The following ALCAM variants were observed in gnomAD, a reference collection of about 807,000 sequenced individuals.
The protein encoded by ALCAM is CD166 antigen.
A neutral mutation model predicts 70.9 loss-of-function variants in ALCAM; 30 were observed. That is an observed-to-expected ratio of 0.42 (90% CI 0.32 to 0.57). ALCAM has a LOEUF of 0.57. Among genes scored for constraint, ALCAM ranks in the 20% least tolerant of loss-of-function variants. The pLI, the probability that ALCAM is intolerant of heterozygous loss-of-function variation, is 0.11. For synonymous variants in ALCAM, 249 were observed against 242.5 expected, an observed-to-expected ratio of 1.03 and a Z score of -0.25; for missense variants, 591 against 695.1, an observed-to-expected ratio of 0.85 and a Z score of 1.68.
intron 1 of ALCAM, among the ~76,000 whole-genome samples, chr3:105,447,478 G>A (rs890051676): frequency 1.3e-5 from 2 of 152,198 alleles, no homozygotes; most frequent in African/African-American, 4.8e-5. Context: ...GCAAGTGGAT[G>A]GCTTGAGCCC....
At chr3:105,392,552 AG>A in intron 1 of ALCAM, among the ~76,000 whole-genome samples, 1 of 151,172 alleles carries the variant, frequency 6.6e-6, no homozygotes, top group Non-Finnish European at 1.5e-5. Context: ...ATTTTTTTGA[AG>A]GGTTTTTTTA....
At chr3:105,527,817 C>A (rs1332166656) in intron 3 of ALCAM, among the ~76,000 whole-genome samples, 1 of 151,976 alleles carries the variant, frequency 6.6e-6, no homozygotes, top group Non-Finnish European at 1.5e-5. Flanking sequence ...GGATTCCTCC[C>A]ACTTGGATAC....
chr3:105,547,562 C>A, intron 11 of ALCAM, 39 bp downstream of exon 11: 1 of 1,591,218 alleles, frequency 6.3e-7, no homozygotes, highest in Non-Finnish European at 8.5e-7. Flanking sequence ...GCACTTCGTC[C>A]AATGCGTTTT....
At chr3:105,428,717 A>T (rs1487204897) in intron 1 of ALCAM, among the ~76,000 whole-genome samples, 1 of 151,980 alleles carries the variant, frequency 6.6e-6, no homozygotes, top group Non-Finnish European at 1.5e-5. Context: ...TGTTGTGTGA[A>T]CCATTATCCA....
chr3:105,403,807 G>A (rs1329453048), intron 1 of ALCAM, among the ~76,000 whole-genome samples: 1 of 151,680 alleles, frequency 6.6e-6, no homozygotes, highest in Non-Finnish European at 1.5e-5. Flanking sequence ...CCAGAGAAAA[G>A]TGAAGTCCAA....
At chr3:105,475,492 T>C (rs1353512334) in intron 1 of ALCAM, among the ~76,000 whole-genome samples, 1 of 151,998 alleles carries the variant, frequency 6.6e-6, no homozygotes, top group Admixed American at 6.6e-5. Context: ...ATCACTTCCC[T>C]TTAAAATGGT....
chr3:105,526,702 G>T (rs1189449706), intron 3 of ALCAM, among the ~76,000 whole-genome samples: 1 of 152,068 alleles, frequency 6.6e-6, no homozygotes, highest in Non-Finnish European at 1.5e-5. Context: ...TAGGGGCTTT[G>T]GTTTGTTTTT....
At chr3:105,477,248 CTCT>C (rs1194684853) in intron 1 of ALCAM, among the ~76,000 whole-genome samples, 4 of 151,964 alleles carry the variant, frequency 2.6e-5, no homozygotes, top group African/African-American at 9.7e-5. Context: ...TTTTCTAATG[CTCT>C]TCATTTTTTT....
chr3:105,461,278 AT>A (rs753973912), intron 1 of ALCAM, among the ~76,000 whole-genome samples: 17 of 151,802 alleles, frequency 1.1e-4, no homozygotes, highest in Non-Finnish European at 2.5e-4. Flanking sequence ...GGAAAACTAT[AT>A]TTTTGTTCGT....
chr3:105,410,142 A>G (rs1283867275), intron 1 of ALCAM, among the ~76,000 whole-genome samples: 6 of 152,048 alleles, frequency 3.9e-5, no homozygotes, highest in African/African-American at 1.4e-4. Context: ...GTATCTTTAC[A>G]GTGCTGGTTT....
chr3:105,522,310 G>C (rs1433972868), intron 2 of ALCAM, among the ~76,000 whole-genome samples: 1 of 151,970 alleles, frequency 6.6e-6, no homozygotes, highest in Non-Finnish European at 1.5e-5. Context: ...AAACAATAAT[G>C]GCAATTTTCA....
At position 105,547,037 on chromosome 3, in the gene ALCAM, T is replaced by C. The variant is rs1940266430; in HGVS notation, c.1105-112T>C. ...AGCATCTGAAGTTAAGAAAAAGAAGTTTGCATTTATATTATTCCCAGAAGA... is the reference window on the plus strand; with the variant it reads ...AGCATCTGAAGTTAAGAAAAAGAAGCTTGCATTTATATTATTCCCAGAAGA... On this transcript the variant is annotated intron_variant, in intron 9 of 15. Transcript: ENST00000306107. 3 of 901,900 alleles carry C rather than the reference T, an allele frequency of 3.3e-6. No homozygotes were observed. The East Asian group carries it at 8.7e-5, about 26-fold the overall frequency. 55.9% of individuals were successfully genotyped at this position (901,900 alleles called of 1,614,324 possible).
At chr3:105,539,772 G>C (rs1344032386) in intron 6 of ALCAM, among the ~76,000 whole-genome samples, 2 of 151,878 alleles carry the variant, frequency 1.3e-5, no homozygotes, top group East Asian at 1.9e-4. Flanking sequence ...TATGTAACAG[G>C]GTTTCTTTGT....
chr3:105,433,407 T>C (rs1163076789), intron 1 of ALCAM, among the ~76,000 whole-genome samples: 1 of 152,180 alleles, frequency 6.6e-6, no homozygotes, highest in Non-Finnish European at 1.5e-5. Flanking sequence ...AGTCACTAAA[T>C]TCTTCCTTTA....
intron 1 of ALCAM, chr3:105,513,241 G>T (rs1305351171): frequency 6.6e-6 from 1 of 151,788 alleles, no homozygotes; most frequent in Non-Finnish European, 1.5e-5. Context: ...TGATGACTTG[G>T]TAACACAGGG....
At chr3:105,554,940 G>GA (rs11438154) in intron 14 of ALCAM, among the ~76,000 whole-genome samples, 26,395 of 150,342 alleles carry the variant, frequency 0.18, 2,514 homozygotes, top group Admixed American at 0.28. Context: ...AAATTAGCTG[G>GA]AAAAAAAAAC....
At chr3:105,422,529 G>T (rs140457025) in intron 1 of ALCAM, among the ~76,000 whole-genome samples, 185 of 151,448 alleles carry the variant, frequency 1.2e-3, no homozygotes, top group Admixed American at 0.011. Context: ...GCAAAAAAGT[G>T]TACTCTTCCA....
chr3:105,545,472 A>C, intron 9 of ALCAM, 137 bp downstream of exon 9: 1 of 577,714 alleles, frequency 1.7e-6, no homozygotes, highest in Non-Finnish European at 3.1e-6. Flanking sequence ...TCTGTTTCTG[A>C]TAAGAGAAAT....
intron 14 of ALCAM, among the ~76,000 whole-genome samples, chr3:105,560,143 T>C (rs1054692728): frequency 2.0e-5 from 3 of 152,204 alleles, no homozygotes; most frequent in Non-Finnish European, 4.4e-5. Flanking sequence ...ATAGTCATCC[T>C]GCTTACAACT....
Sources: gnomAD v4.1 joint callset for allele counts (sites outside exome capture counted in the v4.1 genomes callset) on GRCh38, gnomAD v4.1.1 for gene constraint, MANE v1.5 for transcripts, NCBI Gene and HGNC (gene_info 2026-07-23, HGNC 2026-07-21) for gene names.